Variants in KCNQ1 observed in about 807,000 individuals in gnomAD.
The protein encoded by KCNQ1 is potassium voltage-gated channel subfamily Q member 1, also known as potassium voltage-gated channel subfamily KQT member 1.
Under a neutral mutation model 72.4 loss-of-function variants are expected in KCNQ1, and 49 were observed. That is an observed-to-expected ratio of 0.68 (90% confidence interval 0.54 to 0.86). KCNQ1 has a LOEUF of 0.86. Among genes scored for constraint, KCNQ1 ranks in the 40% least tolerant of loss-of-function variants. The probability of loss-of-function intolerance (pLI) is 0.00; values close to 1 mark genes in which losing one functional copy is unlikely to be tolerated. For synonymous variants in KCNQ1, 450 were observed against 412.6 expected, an observed-to-expected ratio of 1.09 and a Z score of -1.10; for missense variants, 790 against 945.1, an observed-to-expected ratio of 0.84 and a Z score of 2.15.
intron 11 of KCNQ1, chr11:2,684,767 G>A: frequency 2.5e-6 from 1 of 398,648 alleles, no homozygotes; most frequent in Non-Finnish European, 4.4e-6. Context: ...AGGGAGGACT[G>A]CCTCCCAGCC....
chr11:2,707,243 C>T (rs754520065), intron 11 of KCNQ1, among the ~76,000 whole-genome samples: 8 of 152,104 alleles, frequency 5.3e-5, no homozygotes, highest in Non-Finnish European at 4.4e-5. Context: ...TTCTCTTATC[C>T]CTGGGTCTTG....
intron 6 of KCNQ1, among the ~76,000 whole-genome samples, chr11:2,578,846 C>A (rs899038020): frequency 2.0e-5 from 3 of 152,236 alleles, no homozygotes; most frequent in Admixed American, 2.0e-4. Context: ...GTGGCCACAG[C>A]GGGGAACGTG....
rs111538739 is a variant in KCNQ1, at chr11:2,575,725, G to A, written c.921+2739G>A. Among the ~76,000 whole-genome samples the A allele has an allele frequency of 4.4e-3, 663 of 152,312 alleles. 1 individual carries two copies. The highest frequency in any genetic ancestry group is 0.01 in the Middle Eastern group (3 of 294). On this transcript the variant is annotated intron_variant, in intron 6 of 15. Coordinates refer to ENST00000155840, the MANE Select transcript of KCNQ1 (RefSeq NM_000218.3). ...ACTGGGTGGGAGGTGGCTTCCTGGA[G>A]GCCAGGCCATTCTGATCATCATGCT...
intron 1 of KCNQ1, among the ~76,000 whole-genome samples, chr11:2,506,852 A>G (rs1042880232): frequency 7.2e-5 from 11 of 152,176 alleles, no homozygotes; most frequent in African/African-American, 2.4e-4. Context: ...CTGTGTCTAA[A>G]AGTCATGTGT....
intron 1 of KCNQ1, among the ~76,000 whole-genome samples, chr11:2,455,442 A>G (rs1846178369): frequency 6.6e-6 from 1 of 152,226 alleles, no homozygotes; most frequent in Non-Finnish European, 1.5e-5. Context: ...ACTCAGAGCC[A>G]AATCAAGAAT....
chr11:2,540,935 G>T (rs917693079), intron 2 of KCNQ1, among the ~76,000 whole-genome samples: 1 of 152,202 alleles, frequency 6.6e-6, no homozygotes, highest in Non-Finnish European at 1.5e-5. Flanking sequence ...AAACACACTC[G>T]TGTCCAGCCC....
chr11:2,755,260 G>A (rs1316751861), intron 11 of KCNQ1, among the ~76,000 whole-genome samples: 2 of 152,072 alleles, frequency 1.3e-5, no homozygotes, highest in African/African-American at 4.8e-5. Flanking sequence ...TTTTGTTGTT[G>A]TTGTTGTTGT....
At chr11:2,568,272 C>A (rs1372729653) in intron 2 of KCNQ1, among the ~76,000 whole-genome samples, 1 of 149,064 alleles carries the variant, frequency 6.7e-6, no homozygotes, top group Non-Finnish European at 1.5e-5. Flanking sequence ...GACTCTGTCT[C>A]ATAAATAAAT....
In KCNQ1 at chr11:2,735,658, A is replaced by G. The variant is rs1845944847; in HGVS notation, c.1515-33186A>G. Among the ~76,000 whole-genome samples, 1 of 151,302 alleles carries G rather than the reference A, an allele frequency of 6.6e-6. No individual in the cohort carries two copies. Among genetic ancestry groups the G allele is most frequent in the Non-Finnish European group, 1.5e-5 (1 of 67,878 alleles). On this transcript the variant is annotated intron_variant, in intron 11 of 15. Coordinates refer to ENST00000155840, the MANE Select transcript of KCNQ1 (RefSeq NM_000218.3). The surrounding 1 kb of genome is among the most constrained non-coding windows in gnomAD (Gnocchi z 7.7). The stretch of plus-strand genomic sequence containing the variant: ...GTCACCACCAAGACCACAGTGGGGC[A>G]GTTTAAACAGCAGGCATTCATCCCC...
intron 11 of KCNQ1, chr11:2,681,662 T>G: frequency 6.9e-6 from 2 of 289,424 alleles, no homozygotes; most frequent in Non-Finnish European, 1.2e-5. Context: ...CAGGAGAAGG[T>G]GCTCCCTCAC....
At chr11:2,799,239 G>A (rs530169501) in intron 15 of KCNQ1, among the ~76,000 whole-genome samples, 27 of 152,362 alleles carry the variant, frequency 1.8e-4, no homozygotes, top group East Asian at 1.5e-3. Context: ...GCCGGACCAC[G>A]GGGGCGGTGG....
intron 15 of KCNQ1, among the ~76,000 whole-genome samples, chr11:2,797,069 T>C (rs1302685406): frequency 6.6e-6 from 1 of 152,150 alleles, no homozygotes; most frequent in African/African-American, 2.4e-5. Flanking sequence ...CAACGGGGCA[T>C]TGTTCACGGC....
At chr11:2,552,340 C>CT (rs1488110461) in intron 2 of KCNQ1, among the ~76,000 whole-genome samples, 5 of 152,198 alleles carry the variant, frequency 3.3e-5, no homozygotes, top group African/African-American at 1.2e-4. Flanking sequence ...GTCCCAGAGA[C>CT]TTTTTTCCCA....
rs993628284 is a variant in KCNQ1 at position 2,509,152 on chromosome 11, G to A, written c.387-18776G>A. Among the ~76,000 whole-genome samples the A allele has an allele frequency of 6.6e-6, 1 of 152,250 alleles. No homozygotes were observed. Among genetic ancestry groups the A allele is most frequent in the African/African-American group, 2.4e-5 (1 of 41,456 alleles). On this transcript the variant is annotated intron_variant, in intron 1 of 15. Transcript: ENST00000155840. This position sits in a 1 kb window ranked among gnomAD's most constrained non-coding sequence, Gnocchi z 6.3. ...TGGGGGAAGGACTCTGTTACCAAAA[G>A]CACACAGCACAGGTTGGGAGAGCAA...
At chr11:2,839,051 G>A (rs369035142) in intron 15 of KCNQ1, among the ~76,000 whole-genome samples, 4 of 152,188 alleles carry the variant, frequency 2.6e-5, no homozygotes, top group East Asian at 1.9e-4. Context: ...CAGCTGCCTC[G>A]GGCTCTTGGA....
intron 15 of KCNQ1, among the ~76,000 whole-genome samples, chr11:2,812,378 C>T (rs1410765263): frequency 1.3e-5 from 2 of 152,094 alleles, no homozygotes; most frequent in Non-Finnish European, 2.9e-5. Context: ...AGGAGGGTTC[C>T]GTTCCCTCCC....
intron 15 of KCNQ1, among the ~76,000 whole-genome samples, chr11:2,789,888 C>A (rs1050500751): frequency 6.6e-6 from 1 of 152,198 alleles, no homozygotes; most frequent in African/African-American, 2.4e-5. Context: ...TCTGGTCTCC[C>A]CTGGGAGGAC....
chr11:2,727,848 G>A (rs374859198), intron 11 of KCNQ1, among the ~76,000 whole-genome samples: 9 of 152,294 alleles, frequency 5.9e-5, no homozygotes, highest in African/African-American at 1.9e-4. Context: ...GGGCAGGGAC[G>A]TGGCCAGGCA....
In KCNQ1 at chr11:2,798,906, C is replaced by A. The variant is rs527540699; in HGVS notation, c.1794+20869C>A. ...GGGACAGGGGAAGGGGCTGGAGGAG[C>A]AGGAACAGGACGGGGGAAGGAGAGG... is the stretch of plus-strand genomic sequence containing the variant. On this transcript the variant is annotated intron_variant, in intron 15 of 15. Transcript: ENST00000155840. Among the ~76,000 whole-genome samples the A allele has an allele frequency of 4.2e-4, 64 of 152,092 alleles. No individual in the cohort carries two copies. The East Asian group carries it at 0.011, about 25-fold the overall frequency.
Sources: allele counts gnomAD v4.1 joint callset (sites outside exome capture counted in the v4.1 genomes callset), GRCh38; gene constraint gnomAD v4.1.1; non-coding constraint Gnocchi (gnomAD v3.1); transcripts MANE v1.5; gene names NCBI Gene and HGNC (gene_info 2026-07-23, HGNC 2026-07-21).